The following AGMO variants were observed in gnomAD, a reference collection of about 807,000 sequenced individuals.
AGMO encodes glyceryl-ether monooxygenase.
AGMO carries 75 observed loss-of-function variants against 60.2 expected under a neutral mutation model. The observed-to-expected ratio is 1.25, with a 90% confidence interval of 1.03 to 1.51. AGMO has a LOEUF of 1.51. AGMO is among the 40% of genes most tolerant of loss of function. The pLI is 0.00. For missense variants in AGMO, 763 were observed against 525.5 expected, an observed-to-expected ratio of 1.45 and a Z score of -4.42; for synonymous variants, 261 against 177.1, an observed-to-expected ratio of 1.47 and a Z score of -3.76.
intron 4 of AGMO, among the ~76,000 whole-genome samples, chr7:15,427,329 A>G (rs186519959): frequency 1.6e-3 from 248 of 152,292 alleles, no homozygotes; most frequent in African/African-American, 5.9e-3. Context: ...TGTTGCAATA[A>G]TAACTCAAAG....
chr7:15,450,018 T>G (rs2128505195), intron 3 of AGMO, among the ~76,000 whole-genome samples: 1 of 152,340 alleles, frequency 6.6e-6, no homozygotes, highest in Non-Finnish European at 1.5e-5. Context: ...TCAACTCTTT[T>G]TTTCCAATTT....
At chr7:15,314,524 G>C (rs1169553779) in intron 12 of AGMO, among the ~76,000 whole-genome samples, 2 of 152,202 alleles carry the variant, frequency 1.3e-5, no homozygotes, top group South Asian at 2.1e-4. Context: ...GTCTTTAAAA[G>C]TTTAACTGGA....
rs951315903 is a variant in AGMO at position 15,518,065 on chromosome 7, G to A, written c.409+26707C>T. On this transcript the variant is annotated intron_variant, in intron 3 of 12. Transcript: ENST00000342526. ...AGCCACCAGGAATTTCGGACTGGGC[G>A]GAGCCTACCGCAGCTTGGCAAAGCC... 6.6e-5 allele frequency among the ~76,000 whole-genome samples: 10 copies of A among 152,268 alleles called. No individual in the cohort carries two copies. In the East Asian group the frequency reaches 1.9e-3, roughly 29 times the overall value.
chr7:15,285,052 C>A (rs1784064650), intron 12 of AGMO, among the ~76,000 whole-genome samples: 1 of 151,714 alleles, frequency 6.6e-6, no homozygotes, highest in Admixed American at 6.6e-5. Context: ...AAATCCTCAA[C>A]AAACTAGCCA....
At chr7:15,371,833 T>A (rs1783230049) in intron 10 of AGMO, among the ~76,000 whole-genome samples, 1 of 152,054 alleles carries the variant, frequency 6.6e-6, no homozygotes, top group Non-Finnish European at 1.5e-5. Context: ...CCACCACACC[T>A]CATCTAATAC....
chr7:15,360,559 C>T (rs981879659), intron 12 of AGMO, among the ~76,000 whole-genome samples: 2 of 152,072 alleles, frequency 1.3e-5, no homozygotes, highest in African/African-American at 4.8e-5. Context: ...TTTTTCTCAT[C>T]ATCTTCATGT....
At chr7:15,229,904 T>C (rs919076770) in intron 12 of AGMO, among the ~76,000 whole-genome samples, 12 of 151,482 alleles carry the variant, frequency 7.9e-5, no homozygotes. Flanking sequence ...AGAAACATTA[T>C]CTAATACTTT....
chr7:15,212,338 C>T (rs1781618114), intron 12 of AGMO, among the ~76,000 whole-genome samples: 1 of 151,278 alleles, frequency 6.6e-6, no homozygotes, highest in African/African-American at 2.4e-5. Context: ...AAAAGAATTA[C>T]ATCGAATCAG....
At position 15,266,190 on chromosome 7, in the gene AGMO, T is replaced by C. The variant is rs1308575605; in HGVS notation, c.1264-64831A>G. Among the ~76,000 whole-genome samples, 14 of 152,176 alleles carry C rather than the reference T, an allele frequency of 9.2e-5. No homozygotes were observed. The East Asian group carries it at 1.5e-3, about 17-fold the overall frequency. On this transcript the variant is annotated intron_variant, in intron 12 of 12. Transcript: ENST00000342526. ...TTTTTGTTTAATAGGTATTGTTTAATAGGTATAGTTATTGTTTAATAGGTA... is the reference window on the plus strand; with the variant it reads ...TTTTTGTTTAATAGGTATTGTTTAACAGGTATAGTTATTGTTTAATAGGTA...
intron 6 of AGMO, 25 bp from the exon 7 acceptor site, chr7:15,390,930 T>G (rs1784112963): frequency 6.8e-7 from 1 of 1,467,838 alleles, no homozygotes; most frequent in African/African-American, 1.4e-5. Context: ...ATTAGAAATT[T>G]TTTTTCAGAA....
chr7:15,315,449 T>C (rs1378022290), intron 12 of AGMO, among the ~76,000 whole-genome samples: 3 of 143,486 alleles, frequency 2.1e-5, no homozygotes. Context: ...GCGATTCTCC[T>C]GCCTCAGCCT....
chr7:15,483,825 C>T (rs1782837487), intron 3 of AGMO, among the ~76,000 whole-genome samples: 1 of 151,772 alleles, frequency 6.6e-6, no homozygotes, highest in African/African-American at 2.4e-5. Context: ...AGGGACTGTG[C>T]AAGATGATTA....
At position 15,388,409 on chromosome 7, in the gene AGMO, C is replaced by T. The variant is rs188428851; in HGVS notation, c.823-869G>A. ...ATAGGTAAATGTTAGGTGGAAGCTT[C>T]GCCTGGGGCTTTGCAATAATAATAA... On this transcript the variant is annotated intron_variant, in intron 8 of 12. Coordinates refer to ENST00000342526, the MANE Select transcript of AGMO (RefSeq NM_001004320.2). Among the ~76,000 whole-genome samples the T allele has an allele frequency of 4.4e-3, 668 of 152,176 alleles. 5 individuals are homozygous for T. The highest frequency in any genetic ancestry group is 0.031 in the Middle Eastern group (9 of 294).
At chr7:15,455,263 T>A (rs1781971927) in intron 3 of AGMO, among the ~76,000 whole-genome samples, 1 of 152,132 alleles carries the variant, frequency 6.6e-6, no homozygotes, top group Non-Finnish European at 1.5e-5. Flanking sequence ...CACATTTGGT[T>A]TATGTTGGTT....
intron 3 of AGMO, among the ~76,000 whole-genome samples, chr7:15,446,219 T>C (rs550467713): frequency 1.3e-5 from 2 of 152,268 alleles, no homozygotes; most frequent in African/African-American, 4.8e-5. Context: ...GCAATGTGAA[T>C]TTGGGCAGCC....
intron 3 of AGMO, among the ~76,000 whole-genome samples, chr7:15,488,707 A>T (rs552428283): frequency 6.6e-6 from 1 of 152,288 alleles, no homozygotes; most frequent in East Asian, 1.9e-4. Flanking sequence ...TTGAATTTGG[A>T]TTATCACAAA....
At chr7:15,170,785 A>G in the AGMO span, among the ~76,000 whole-genome samples, 3 of 152,142 alleles carry the variant, frequency 2.0e-5, no homozygotes, top group Non-Finnish European at 4.4e-5. Context: ...TATTTCAGAC[A>G]GATACATTCT....
At chr7:15,236,401 T>G (rs945348492) in intron 12 of AGMO, among the ~76,000 whole-genome samples, 1 of 152,172 alleles carries the variant, frequency 6.6e-6, no homozygotes, top group African/African-American at 2.4e-5. Flanking sequence ...AATGATTATG[T>G]GTTTATTAAC....
At chr7:15,206,717 C>T (rs550938726) in intron 12 of AGMO, among the ~76,000 whole-genome samples, 1 of 152,148 alleles carries the variant, frequency 6.6e-6, no homozygotes, top group African/African-American at 2.4e-5. Flanking sequence ...AAAGAATATC[C>T]TTCAATCAAT....
Sources: gnomAD v4.1 joint callset for allele counts (sites outside exome capture counted in the v4.1 genomes callset) on GRCh38, gnomAD v4.1.1 for gene constraint, MANE v1.5 for transcripts, NCBI Gene and HGNC (gene_info 2026-07-23, HGNC 2026-07-21) for gene names.